PRKCB: variants seen among roughly 807,000 people sequenced by gnomAD.
The protein encoded by PRKCB is protein kinase C beta.
A neutral mutation model predicts 81.5 loss-of-function variants in PRKCB; 13 were observed. The observed-to-expected ratio is 0.16, with a 90% CI of 0.10 to 0.25. PRKCB has a LOEUF of 0.25. PRKCB is among the 10% of genes least tolerant of loss of function. PRKCB has a pLI of 1.00. For synonymous variants in PRKCB, 335 were observed against 321.4 expected (o/e 1.04, Z -0.45); for missense variants, 509 against 875.7 (o/e 0.58, Z 5.29).
At chr16:23,839,824 G>A (rs1597203587) in intron 2 of PRKCB, among the ~76,000 whole-genome samples, 1 of 152,280 alleles carries the variant, frequency 6.6e-6, no homozygotes, top group South Asian at 2.1e-4. Context: ...AAGATTCTTG[G>A]ACCAGAGCTT....
chr16:24,054,908 C>A (rs140311744), intron 5 of PRKCB, among the ~76,000 whole-genome samples: 2 of 152,356 alleles, frequency 1.3e-5, no homozygotes, highest in Non-Finnish European at 2.9e-5. Context: ...GTCTGCATCA[C>A]TGTGGTCTGA....
chr16:24,176,767 GTC>G (rs1328929545), intron 12 of PRKCB, among the ~76,000 whole-genome samples: 1 of 152,000 alleles, frequency 6.6e-6, no homozygotes, highest in Non-Finnish European at 1.5e-5. Context: ...GGTTGCACAT[GTC>G]TGTAATCCCA....
At chr16:24,092,511 G>C (rs1966388283) in intron 5 of PRKCB, among the ~76,000 whole-genome samples, 1 of 152,208 alleles carries the variant, frequency 6.6e-6, no homozygotes, top group African/African-American at 2.4e-5. Context: ...TTTCCTGTGG[G>C]CTTTGTGGAA....
At position 24,094,306 on chromosome 16, in the gene PRKCB, G is replaced by T; in HGVS notation, c.821+9G>T. ...GCCAGTGTTGATGGCTGGTAAGTAA[G>T]ATTTTGCCTTGAAAGCTACCATACA... On this transcript the variant is annotated intron_variant, in intron 7 of 16. Coordinates refer to ENST00000643927, the MANE Select transcript of PRKCB (RefSeq NM_002738.7). The T allele has an allele frequency of 6.2e-7, 1 of 1,613,706 alleles. No homozygotes were observed. The highest frequency in any genetic ancestry group is 8.5e-7 in the Non-Finnish European group (1 of 1,179,860).
chr16:23,955,970 A>C (rs533305712), intron 2 of PRKCB, among the ~76,000 whole-genome samples: 17 of 152,280 alleles, frequency 1.1e-4, no homozygotes, highest in Middle Eastern at 3.4e-3. Flanking sequence ...TTATCATAAA[A>C]GACTGTGATG....
chr16:24,191,189 C>G lies in PRKCB; in HGVS notation c.1822C>G (p.Leu608Val). The change falls in exon 16 of 17, where the codon CTT (leucine) becomes GTT (valine). Residue 608 changes from leucine to valine, a missense_variant. Around this residue, in one of 6 missense-constraint regions of PRKCB, gnomAD observed 104 missense variants for 160.5 expected, o/e 0.65. Coordinates refer to ENST00000643927, the MANE Select transcript of PRKCB (RefSeq NM_002738.7). ...AFFRYIDWEK[L>V]ERKEIQPPYK... ...TTTCCGGTATATTGATTGGGAGAAA[C>G]TTGAACGCAAAGAGATCCAGCCCCC... 1 of 1,614,064 alleles carries G rather than the reference C, an allele frequency of 6.2e-7. No homozygotes were observed. Among genetic ancestry groups the G allele is most frequent in the Non-Finnish European group, 8.5e-7 (1 of 1,179,998 alleles).
chr16:24,062,161 A>G (rs1965982521), intron 5 of PRKCB, among the ~76,000 whole-genome samples: 2 of 152,362 alleles, frequency 1.3e-5, no homozygotes, highest in South Asian at 4.1e-4. Context: ...GGCTTAAAAC[A>G]ACATTCTTTC....
In PRKCB at chr16:24,021,001, TTTC is replaced by T. The variant is rs1315801954; in HGVS notation, c.289-11132_289-11130del. Reference sequence around the variant, plus strand: ...TTTTCTTTCTTTCTTTCTTTCTTTCTTTCTTTCTTTCTTTCTTTCTTTCTTTCT... The same window carrying T: ...TTTTCTTTCTTTCTTTCTTTCTTTCTTTTCTTTCTTTCTTTCTTTCTTTCT... On this transcript the variant is annotated intron_variant, in intron 3 of 16. Transcript: ENST00000643927. Among the ~76,000 whole-genome samples, 9 of 136,414 alleles carry T rather than the reference TTTC, an allele frequency of 6.6e-5. No individual in the cohort carries two copies. In the East Asian group the frequency reaches 2.1e-3, roughly 31 times the overall value. The allele number at this position is 136,414 out of a possible 152,430, so 89.5% of individuals were successfully genotyped here.
chr16:24,062,844 C>T (rs1256794997), intron 5 of PRKCB, among the ~76,000 whole-genome samples: 1 of 151,940 alleles, frequency 6.6e-6, no homozygotes, highest in African/African-American at 2.4e-5. Context: ...TGCTTGCATC[C>T]CTCACCTCCC....
chr16:24,206,263 T>C (rs533930548), intron 16 of PRKCB, among the ~76,000 whole-genome samples: 1 of 152,126 alleles, frequency 6.6e-6, no homozygotes, highest in Non-Finnish European at 1.5e-5. Flanking sequence ...CTCCCTGGAG[T>C]GGGTCCCTCC....
chr16:23,925,735 A>C (rs1597248504), intron 2 of PRKCB, among the ~76,000 whole-genome samples: 1 of 152,050 alleles, frequency 6.6e-6, no homozygotes, highest in Non-Finnish European at 1.5e-5. Flanking sequence ...TCACCCAGAT[A>C]GGGTACCCTG....
At chr16:24,000,289 T>G (rs373768269) in intron 3 of PRKCB, among the ~76,000 whole-genome samples, 1 of 152,198 alleles carries the variant, frequency 6.6e-6, no homozygotes, top group Admixed American at 6.5e-5. Context: ...GAGTCATAGA[T>G]GGCCTCATCA....
At chr16:23,895,368 C>CT (rs1567305520) in intron 2 of PRKCB, among the ~76,000 whole-genome samples, 1 of 152,180 alleles carries the variant, frequency 6.6e-6, no homozygotes, top group East Asian at 1.9e-4. Flanking sequence ...TTCAGTTCAA[C>CT]TTTTTTCTGT....
At chr16:23,891,642 T>G (rs1164983170) in intron 2 of PRKCB, among the ~76,000 whole-genome samples, 1 of 152,170 alleles carries the variant, frequency 6.6e-6, no homozygotes, top group African/African-American at 2.4e-5. Context: ...CAAATCCCAG[T>G]TCAACAAAGA....
chr16:24,069,899 C>T (rs16973189), intron 5 of PRKCB, among the ~76,000 whole-genome samples: 11,394 of 152,296 alleles, frequency 0.075, 620 homozygotes, highest in African/African-American at 0.13. Context: ...CCATTCCCAA[C>T]GGGTACTCCC....
At chr16:24,143,764 C>G (rs142668625) in intron 9 of PRKCB, among the ~76,000 whole-genome samples, 1 of 152,282 alleles carries the variant, frequency 6.6e-6, no homozygotes, top group Non-Finnish European at 1.5e-5. Flanking sequence ...GTGTGGGGAC[C>G]TAAGAGCCCT....
intron 2 of PRKCB, among the ~76,000 whole-genome samples, chr16:23,866,859 G>A (rs1962798700): frequency 6.6e-6 from 1 of 152,070 alleles, no homozygotes; most frequent in Admixed American, 6.6e-5. Context: ...TAACACTTTT[G>A]CCAATCTGAT....
chr16:24,181,631 G>A (rs1230543266), intron 13 of PRKCB, among the ~76,000 whole-genome samples: 4 of 151,830 alleles, frequency 2.6e-5, no homozygotes, highest in Non-Finnish European at 5.9e-5. Context: ...GCCGGGTGTG[G>A]TGGCACATGC....
intron 2 of PRKCB, among the ~76,000 whole-genome samples, chr16:23,868,941 G>A (rs1962855795): frequency 6.6e-6 from 1 of 152,262 alleles, no homozygotes; most frequent in Non-Finnish European, 1.5e-5. Context: ...GAAAGGGAGA[G>A]AGAATGCCTG....
Sources: allele counts gnomAD v4.1 joint callset (sites outside exome capture counted in the v4.1 genomes callset), GRCh38; gene constraint gnomAD v4.1.1; regional missense constraint gnomAD v4.1.1; transcripts MANE v1.5; gene names NCBI Gene and HGNC (gene_info 2026-07-23, HGNC 2026-07-21).